The following SLC24A3 variants were observed in gnomAD, a reference collection of about 807,000 sequenced individuals.
SLC24A3 encodes sodium/potassium/calcium exchanger 3.
A neutral mutation model predicts 75.8 loss-of-function variants in SLC24A3; 28 were observed. That is an observed-to-expected ratio of 0.37 (90% CI 0.27 to 0.51). The LOEUF (loss-of-function observed/expected upper bound fraction) is 0.51. SLC24A3 is among the 20% of genes least tolerant of loss of function. SLC24A3 has a pLI of 0.94. For missense variants in SLC24A3, 663 were observed against 847.8 expected, an observed-to-expected ratio of 0.78 and a Z score of 2.71; for synonymous variants, 372 against 334.1, an observed-to-expected ratio of 1.11 and a Z score of -1.24.
At chr20:19,532,482 C>T (rs928479365) in intron 3 of SLC24A3, among the ~76,000 whole-genome samples, 6 of 152,232 alleles carry the variant, frequency 3.9e-5, no homozygotes, top group African/African-American at 1.4e-4. Context: ...GGCTGTCTCT[C>T]CTGGAGGAGA....
intron 15 of SLC24A3, among the ~76,000 whole-genome samples, chr20:19,705,442 T>C (rs936321761): frequency 6.6e-6 from 1 of 152,146 alleles, no homozygotes; most frequent in African/African-American, 2.4e-5. Flanking sequence ...AATGCAGACG[T>C]TATTTGGAAA....
At chr20:19,352,083 G>C (rs1057415484) in intron 2 of SLC24A3, among the ~76,000 whole-genome samples, 1 of 151,920 alleles carries the variant, frequency 6.6e-6, no homozygotes, top group Admixed American at 6.6e-5. Context: ...GGAGGATGAG[G>C]GGGTAGCAGG....
chr20:19,326,970 C>CAGAA (rs201534227), intron 2 of SLC24A3, among the ~76,000 whole-genome samples: 1,685 of 152,280 alleles, frequency 0.011, 16 homozygotes, highest in Non-Finnish European at 0.016. Context: ...AACTCATTAG[C>CAGAA]AGAAGACTTT....
intron 2 of SLC24A3, among the ~76,000 whole-genome samples, chr20:19,447,296 A>C (rs961771317): frequency 6.6e-6 from 1 of 152,162 alleles, no homozygotes; most frequent in Non-Finnish European, 1.5e-5. Flanking sequence ...CGGGGAAGGG[A>C]GCAGGCTCAG....
At chr20:19,537,085 AG>A (rs2030412419) in intron 3 of SLC24A3, among the ~76,000 whole-genome samples, 1 of 152,234 alleles carries the variant, frequency 6.6e-6, no homozygotes, top group African/African-American at 2.4e-5. Flanking sequence ...CAGAGTGAAC[AG>A]GCAACCTACA....
At chr20:19,543,864 G>T (rs561931022) in intron 3 of SLC24A3, among the ~76,000 whole-genome samples, 34 of 152,284 alleles carry the variant, frequency 2.2e-4, no homozygotes, top group African/African-American at 8.2e-4. Flanking sequence ...AAAGAATGAG[G>T]TTTATCTTAA....
chr20:19,340,091 A>C (rs1306414096), intron 2 of SLC24A3, among the ~76,000 whole-genome samples: 1 of 152,126 alleles, frequency 6.6e-6, no homozygotes, highest in East Asian at 1.9e-4. Context: ...AAAAGAAGAT[A>C]TGTTGGCGTC....
intron 2 of SLC24A3, among the ~76,000 whole-genome samples, chr20:19,297,281 G>A (rs1984084486): frequency 6.6e-6 from 1 of 152,034 alleles, no homozygotes; most frequent in African/African-American, 2.4e-5. Flanking sequence ...TCTACTTTGG[G>A]TTACGTTTAT....
At chr20:19,597,276 A>G (rs2031464114) in intron 6 of SLC24A3, among the ~76,000 whole-genome samples, 1 of 152,002 alleles carries the variant, frequency 6.6e-6, no homozygotes, top group African/African-American at 2.4e-5. Context: ...ATTCCCCACT[A>G]CTTGGGAGGC....
intron 2 of SLC24A3, among the ~76,000 whole-genome samples, chr20:19,343,685 G>A (rs929954865): frequency 3.3e-5 from 5 of 152,186 alleles, no homozygotes; most frequent in Admixed American, 3.3e-4. Flanking sequence ...GTGGCACCAA[G>A]TGAGAGCAAT....
At chr20:19,331,773 G>A (rs1010952930) in intron 2 of SLC24A3, among the ~76,000 whole-genome samples, 57 of 152,250 alleles carry the variant, frequency 3.7e-4, no homozygotes, top group African/African-American at 1.3e-3. Context: ...CATTCTAGGG[G>A]GAGGTGTCAG....
chr20:19,567,547 A>G (rs2030979445), intron 3 of SLC24A3, among the ~76,000 whole-genome samples: 1 of 152,186 alleles, frequency 6.6e-6, no homozygotes, highest in Non-Finnish European at 1.5e-5. Context: ...AAAACTACCT[A>G]TCAGGTACTA....
At chr20:19,710,063 C>G (rs1292810088) in intron 15 of SLC24A3, among the ~76,000 whole-genome samples, 3 of 152,182 alleles carry the variant, frequency 2.0e-5, no homozygotes. Context: ...CTGGGAACAT[C>G]CATTTGGAAA....
chr20:19,689,863 T>G (rs988153313), intron 12 of SLC24A3, among the ~76,000 whole-genome samples: 3 of 151,914 alleles, frequency 2.0e-5, no homozygotes, highest in Admixed American at 6.6e-5. Context: ...AAACCCCATC[T>G]CTACTAAAAA....
chr20:19,592,175 G>A (rs896051200), intron 6 of SLC24A3, among the ~76,000 whole-genome samples: 1 of 152,154 alleles, frequency 6.6e-6, no homozygotes, highest in Admixed American at 6.5e-5. Flanking sequence ...CGAGTGGCAC[G>A]TCACTGTGGT....
chr20:19,415,619 G>A (rs185214263), intron 2 of SLC24A3, among the ~76,000 whole-genome samples: 6 of 151,648 alleles, frequency 4.0e-5, no homozygotes, highest in African/African-American at 1.5e-4. Context: ...AAGATTTTGT[G>A]TATCAGTTAT....
intron 1 of SLC24A3, among the ~76,000 whole-genome samples, chr20:19,255,805 C>T (rs1982797443): frequency 6.6e-6 from 1 of 152,144 alleles, no homozygotes. Context: ...ACCCCAGTAA[C>T]TTTTTATCGG....
At chr20:19,715,198 T>C (rs957356252) in intron 15 of SLC24A3, among the ~76,000 whole-genome samples, 15 of 152,332 alleles carry the variant, frequency 9.8e-5, no homozygotes, top group South Asian at 2.1e-4. Context: ...GGGATTATCA[T>C]AGTCAGTGTG....
At chr20:19,662,600 G>A (rs1400796844) in intron 7 of SLC24A3, among the ~76,000 whole-genome samples, 1 of 152,248 alleles carries the variant, frequency 6.6e-6, no homozygotes, top group Non-Finnish European at 1.5e-5. Flanking sequence ...TCATTTGCAG[G>A]AACTGCGGGT....
Sources: allele counts gnomAD v4.1 joint callset (sites outside exome capture counted in the v4.1 genomes callset), GRCh38; gene constraint gnomAD v4.1.1; transcripts MANE v1.5; gene names NCBI Gene and HGNC (gene_info 2026-07-23, HGNC 2026-07-21).